ATP8A1: variants seen among roughly 807,000 people sequenced by gnomAD.
The protein encoded by ATP8A1 is ATPase phospholipid transporting 8A1, also known as phospholipid-transporting ATPase IA.
A neutral mutation model predicts 177.7 loss-of-function variants in ATP8A1; 90 were observed. The ratio of observed to expected loss-of-function variants is 0.51; its 90% confidence interval spans 0.43 to 0.60. The LOEUF (loss-of-function observed/expected upper bound fraction) is 0.60. Among genes scored for constraint, ATP8A1 ranks in the 20% least tolerant of loss-of-function variants. The probability of loss-of-function intolerance (pLI) is 0.00; values close to 1 mark genes in which losing one functional copy is unlikely to be tolerated. For synonymous variants in ATP8A1, 493 were observed against 485.9 expected, an observed-to-expected ratio of 1.01 and a Z score of -0.19; for missense variants, 1,072 against 1,392.8, an observed-to-expected ratio of 0.77 and a Z score of 3.67.
chr4:42,567,770 A>G (rs567474689), intron 15 of ATP8A1, among the ~76,000 whole-genome samples: 2 of 152,374 alleles, frequency 1.3e-5, no homozygotes, highest in East Asian at 1.9e-4. Context: ...CGCTCTTTCC[A>G]GCACCAATAA....
intron 25 of ATP8A1, among the ~76,000 whole-genome samples, chr4:42,472,975 C>T (rs1308189064): frequency 6.6e-6 from 1 of 151,908 alleles, no homozygotes; most frequent in African/African-American, 2.4e-5. Flanking sequence ...AGGGTCTAAA[C>T]GTAAATGGAA....
intron 7 of ATP8A1, among the ~76,000 whole-genome samples, chr4:42,589,375 C>T (rs1733935253): frequency 6.6e-6 from 1 of 152,132 alleles, no homozygotes; most frequent in Admixed American, 6.5e-5. Context: ...ATTACAAACA[C>T]CTGGAATTTT....
chr4:42,472,664 A>G (rs1720564008), intron 25 of ATP8A1, among the ~76,000 whole-genome samples: 1 of 151,450 alleles, frequency 6.6e-6, no homozygotes, highest in African/African-American at 2.4e-5. Context: ...GAATTGCGTG[A>G]ACCTGGGAGA....
At chr4:42,603,639 A>G (rs966675848) in intron 5 of ATP8A1, among the ~76,000 whole-genome samples, 8 of 152,202 alleles carry the variant, frequency 5.3e-5, no homozygotes, top group Non-Finnish European at 1.0e-4. Flanking sequence ...AATTTTTACT[A>G]CTAAAAACTT....
Position 42,532,486 on chromosome 4 carries a change from A to T in ATP8A1, c.1723-7639T>A, listed in dbSNP as rs147736121. Among the ~76,000 whole-genome samples the T allele has an allele frequency of 6.2e-3, 946 of 152,264 alleles. 12 individuals carry two copies. The highest frequency in any genetic ancestry group is 0.022 in the African/African-American group (911 of 41,526). ...GGGTGACAAACTCCATCTCAAAAAAAAAATAAATAAATTGAAGGTGACACA... is the reference window on the plus strand; with the variant it reads ...GGGTGACAAACTCCATCTCAAAAAATAAATAAATAAATTGAAGGTGACACA... On this transcript the variant is annotated intron_variant, in intron 20 of 36. Coordinates refer to ENST00000381668, the MANE Select transcript of ATP8A1 (RefSeq NM_006095.2).
At chr4:42,552,652 A>G (rs926071252) in intron 16 of ATP8A1, 42 bp from the exon 17 acceptor site, 1 of 1,343,866 alleles carries the variant, frequency 7.4e-7, no homozygotes, top group Non-Finnish European at 1.1e-6. Flanking sequence ...TCTCATGTGA[A>G]CATTTTGACA....
intron 33 of ATP8A1, among the ~76,000 whole-genome samples, chr4:42,435,873 C>G (rs982724311): frequency 6.6e-6 from 1 of 152,210 alleles, no homozygotes; most frequent in Non-Finnish European, 1.5e-5. Flanking sequence ...CATATCTGTT[C>G]TGTGTTCCTC....
intron 25 of ATP8A1, among the ~76,000 whole-genome samples, chr4:42,469,017 A>ACT (rs35387527): frequency 0.54 from 81,274 of 151,764 alleles, 22,215 homozygotes; most frequent in East Asian, 0.81. Flanking sequence ...GCTGTTTGAA[A>ACT]CTGCATGTTT....
At chr4:42,557,931 G>T (rs1171877627) in intron 15 of ATP8A1, among the ~76,000 whole-genome samples, 1 of 152,116 alleles carries the variant, frequency 6.6e-6, no homozygotes, top group Non-Finnish European at 1.5e-5. Flanking sequence ...GGAGGCTGAG[G>T]CATGAGAATC....
intron 25 of ATP8A1, among the ~76,000 whole-genome samples, chr4:42,482,377 A>G (rs980084367): frequency 1.3e-5 from 2 of 152,118 alleles, no homozygotes; most frequent in Admixed American, 6.5e-5. Context: ...TTAGACTGAT[A>G]CAAACAGGTT....
chr4:42,464,265 C>CTT (rs11365064), intron 27 of ATP8A1, among the ~76,000 whole-genome samples: 3 of 130,114 alleles, frequency 2.3e-5, no homozygotes, highest in African/African-American at 2.8e-5. Flanking sequence ...GGCTGACAAA[C>CTT]TTTTTTTTTT....
At chr4:42,529,371 C>T (rs976670059) in intron 20 of ATP8A1, among the ~76,000 whole-genome samples, 1 of 152,178 alleles carries the variant, frequency 6.6e-6, no homozygotes, top group Admixed American at 6.5e-5. Flanking sequence ...TTGGTGGAAA[C>T]TGAACATTTG....
intron 1 of ATP8A1, among the ~76,000 whole-genome samples, chr4:42,630,113 C>T (rs1738570803): frequency 6.6e-6 from 1 of 152,162 alleles, no homozygotes; most frequent in Admixed American, 6.5e-5. Context: ...CATATCACCA[C>T]CTTCATCAGC....
chr4:42,452,512 A>G (rs1207488861), intron 29 of ATP8A1, among the ~76,000 whole-genome samples: 4 of 152,182 alleles, frequency 2.6e-5, no homozygotes, highest in Non-Finnish European at 5.9e-5. Context: ...AAGAGATATA[A>G]AGATACTCTA....
intron 14 of ATP8A1, among the ~76,000 whole-genome samples, chr4:42,574,411 A>G (rs575974332): frequency 6.6e-6 from 1 of 152,302 alleles, no homozygotes; most frequent in Non-Finnish European, 1.5e-5. Flanking sequence ...CATTGGGCAG[A>G]GCACCCACCT....
At chr4:42,420,990 G>A (rs1432160597) in intron 35 of ATP8A1, among the ~76,000 whole-genome samples, 3 of 151,970 alleles carry the variant, frequency 2.0e-5, no homozygotes, top group Non-Finnish European at 2.9e-5. Flanking sequence ...GGATGGTCTC[G>A]ATCTCCTGAC....
chr4:42,447,502 G>A (rs1296667865), intron 30 of ATP8A1, among the ~76,000 whole-genome samples: 1 of 152,092 alleles, frequency 6.6e-6, no homozygotes. Flanking sequence ...TGTGGCTTTA[G>A]ACGAAGGAAG....
intron 6 of ATP8A1, among the ~76,000 whole-genome samples, chr4:42,592,824 G>A (rs560106653): frequency 3.9e-5 from 6 of 152,124 alleles, no homozygotes; most frequent in African/African-American, 1.4e-4. Flanking sequence ...CTAAGTATTT[G>A]TGCAATAGGA....
chr4:42,469,889 TCTTC>T (rs1294066977), intron 25 of ATP8A1, among the ~76,000 whole-genome samples: 1 of 152,212 alleles, frequency 6.6e-6, no homozygotes, highest in Non-Finnish European at 1.5e-5. Flanking sequence ...ACAACTTAAT[TCTTC>T]CTATGTCTAT....
Sources: gnomAD v4.1 joint callset for allele counts (sites outside exome capture counted in the v4.1 genomes callset) on GRCh38, gnomAD v4.1.1 for gene constraint, MANE v1.5 for transcripts, NCBI Gene and HGNC (gene_info 2026-07-23, HGNC 2026-07-21) for gene names.